The following MAF variants were observed in gnomAD, a reference collection of about 807,000 sequenced individuals.
The protein encoded by MAF is transcription factor Maf.
Under a neutral mutation model 22.0 loss-of-function variants are expected in MAF, and 10 were observed. The ratio of observed to expected loss-of-function variants is 0.45; its 90% confidence interval spans 0.28 to 0.77. The LOEUF (loss-of-function observed/expected upper bound fraction) is 0.77, where lower values mean the gene tolerates loss of function less well. MAF is among the 30% of genes least tolerant of loss of function. The pLI, the probability that MAF is intolerant of heterozygous loss-of-function variation, is 0.12. For synonymous variants in MAF, 337 were observed against 255.8 expected, an observed-to-expected ratio of 1.32 and a Z score of -3.03; for missense variants, 544 against 548.4, an observed-to-expected ratio of 0.99 and a Z score of 0.08.
At chr16:79,331,772 G>C in the MAF span, among the ~76,000 whole-genome samples, 2 of 152,058 alleles carry the variant, frequency 1.3e-5, no homozygotes, top group Non-Finnish European at 1.5e-5. Flanking sequence ...TCCTGCCACT[G>C]TGGCCTCATT....
chr16:79,544,137 GA>G, the MAF span, among the ~76,000 whole-genome samples: 80 of 152,288 alleles, frequency 5.3e-4, no homozygotes, highest in African/African-American at 1.7e-3. Flanking sequence ...CCGTGGGGGG[GA>G]AAGTTTGCAC....
chr16:79,285,162 A>G, the MAF span, among the ~76,000 whole-genome samples: 1 of 152,170 alleles, frequency 6.6e-6, no homozygotes, highest in Non-Finnish European at 1.5e-5. Context: ...CTGGCTTCAT[A>G]GGCATTTGTC....
At chr16:79,575,101 G>T in the MAF span, among the ~76,000 whole-genome samples, 1 of 151,670 alleles carries the variant, frequency 6.6e-6, no homozygotes, top group Admixed American at 6.6e-5. Context: ...CTGAGGCACG[G>T]CATCAATGTT....
chr16:79,444,997 TA>T, the MAF span, among the ~76,000 whole-genome samples: 3 of 152,168 alleles, frequency 2.0e-5, no homozygotes, highest in African/African-American at 7.2e-5. Context: ...TAATGATGAT[TA>T]AAAAATACAT....
chr16:79,238,557 G>T, the MAF span, among the ~76,000 whole-genome samples: 2 of 151,966 alleles, frequency 1.3e-5, no homozygotes, highest in Non-Finnish European at 2.9e-5. Flanking sequence ...CACATCTGAA[G>T]CCTAAAGTCT....
At chr16:79,215,467 G>C in the MAF span, among the ~76,000 whole-genome samples, 1 of 152,200 alleles carries the variant, frequency 6.6e-6, no homozygotes, top group Non-Finnish European at 1.5e-5. Context: ...CCACGAGAAA[G>C]AAGATATTGG....
chr16:79,251,473 A>G, the MAF span, among the ~76,000 whole-genome samples: 4 of 151,628 alleles, frequency 2.6e-5, no homozygotes, highest in Non-Finnish European at 4.4e-5. Flanking sequence ...CTGCCACCAC[A>G]TCTGGCCAAT....
At chr16:79,493,141 TTG>T in the MAF span, among the ~76,000 whole-genome samples, 11 of 122,668 alleles carry the variant, frequency 9.0e-5, no homozygotes, top group African/African-American at 5.4e-4. Flanking sequence ...TGTTTTTTTT[TTG>T]TTTTGTTTTG....
chr16:79,586,123 G>A (rs894094982), intron 1 of MAF, among the ~76,000 whole-genome samples: 1 of 152,152 alleles, frequency 6.6e-6, no homozygotes, highest in Non-Finnish European at 1.5e-5. Context: ...GCCAGAGGAG[G>A]GGTTGACGTG....
chr16:79,415,716 T>A, the MAF span, among the ~76,000 whole-genome samples: 14 of 151,852 alleles, frequency 9.2e-5, no homozygotes, highest in Non-Finnish European at 2.1e-4. Flanking sequence ...AGAAAGGGCA[T>A]GGGCTTTGGA....
chr16:79,598,604 G>C, intron 1 of MAF, 181 bp downstream of exon 1: 2 of 1,495,022 alleles, frequency 1.3e-6, no homozygotes, highest in South Asian at 1.3e-5. Flanking sequence ...GTGTGTGTGT[G>C]TGTGTGGTGT....
At chr16:79,343,785 A>G in the MAF span, among the ~76,000 whole-genome samples, 5 of 152,156 alleles carry the variant, frequency 3.3e-5, no homozygotes, top group Non-Finnish European at 7.4e-5. Context: ...GTCTTTGGCA[A>G]CAGGTCTGAA....
the MAF span, among the ~76,000 whole-genome samples, chr16:79,317,023 G>C: frequency 6.6e-6 from 1 of 152,138 alleles, no homozygotes; most frequent in Admixed American, 6.5e-5. Flanking sequence ...CATCACACAA[G>C]TAAGAGATGG....
chr16:79,493,139 T>TTG, the MAF span, among the ~76,000 whole-genome samples: 31 of 149,786 alleles, frequency 2.1e-4, no homozygotes, highest in African/African-American at 6.2e-4. Context: ...TCTGTTTTTT[T>TTG]TTTGTTTTGT....
the MAF span, among the ~76,000 whole-genome samples, chr16:79,450,180 T>G: frequency 1.3e-5 from 2 of 152,198 alleles, no homozygotes; most frequent in African/African-American, 4.8e-5. Flanking sequence ...ACGAGTAAAG[T>G]GTTGTTTAAA....
the MAF span, among the ~76,000 whole-genome samples, chr16:79,413,995 A>C: frequency 2.0e-5 from 3 of 152,318 alleles, no homozygotes; most frequent in South Asian, 2.1e-4. Context: ...GTAGCTGGCC[A>C]AATGCCCTCA....
At chr16:79,273,392 A>T in the MAF span, among the ~76,000 whole-genome samples, 1 of 152,220 alleles carries the variant, frequency 6.6e-6, no homozygotes, top group Non-Finnish European at 1.5e-5. Context: ...TTTTATCCTG[A>T]TGAGTGAAAC....
the MAF span, among the ~76,000 whole-genome samples, chr16:79,306,923 T>A: frequency 2.0e-5 from 3 of 152,204 alleles, no homozygotes; most frequent in Non-Finnish European, 2.9e-5. Flanking sequence ...GGCTATTTTG[T>A]GAAAAAGCAC....
the MAF span, among the ~76,000 whole-genome samples, chr16:79,465,632 G>T: frequency 6.6e-6 from 1 of 152,102 alleles, no homozygotes; most frequent in Non-Finnish European, 1.5e-5. Flanking sequence ...ATAAAGAAAA[G>T]AAACATACTT....
Sources: gnomAD v4.1 joint callset for allele counts (sites outside exome capture counted in the v4.1 genomes callset) on GRCh38, gnomAD v4.1.1 for gene constraint, MANE v1.5 for transcripts, NCBI Gene and HGNC (gene_info 2026-07-23, HGNC 2026-07-21) for gene names.